TMEM131: variants seen among roughly 807,000 people sequenced by gnomAD.
TMEM131 encodes the protein transmembrane protein 131, also known as 2610524E03Rik.
TMEM131 carries 66 observed loss-of-function variants against 211.6 expected under a neutral mutation model. The observed-to-expected ratio is 0.31, with a 90% CI of 0.26 to 0.38. The LOEUF is 0.38. Among genes scored for constraint, TMEM131 ranks in the 10% least tolerant of loss-of-function variants. The pLI is 1.00. For missense variants in TMEM131, 2,036 were observed against 2,299.3 expected (o/e 0.89, Z 2.34); for synonymous variants, 844 against 841.3 (o/e 1.00, Z -0.06).
At chr2:97,759,807 G>C in intron 38 of TMEM131, 58 bp from the exon 39 acceptor site, 1 of 1,252,796 alleles carries the variant, frequency 8.0e-7, no homozygotes, top group Non-Finnish European at 1.1e-6. Context: ...TAGTGCAAAC[G>C]GATCCATAGT....
At chr2:97,801,445 A>G (rs980449383) in intron 25 of TMEM131, among the ~76,000 whole-genome samples, 20 of 152,248 alleles carry the variant, frequency 1.3e-4, no homozygotes, top group African/African-American at 4.8e-4. Flanking sequence ...TTGAGTGAAA[A>G]TCATGCATAT....
intron 1 of TMEM131, among the ~76,000 whole-genome samples, chr2:97,962,687 T>G (rs1374500820): frequency 6.6e-6 from 1 of 152,200 alleles, no homozygotes; most frequent in African/African-American, 2.4e-5. Flanking sequence ...TCCCAGGTAT[T>G]ACTTGCGAGA....
chr2:97,771,522 C>T (rs936413924), intron 33 of TMEM131, among the ~76,000 whole-genome samples: 4 of 152,316 alleles, frequency 2.6e-5, no homozygotes, highest in South Asian at 2.1e-4. Flanking sequence ...CTAATTTATT[C>T]GACTTCCTCT....
intron 1 of TMEM131, among the ~76,000 whole-genome samples, chr2:97,978,615 G>C (rs1679651784): frequency 1.3e-5 from 2 of 152,094 alleles, no homozygotes; most frequent in African/African-American, 2.4e-5. Flanking sequence ...GAACTCCTGG[G>C]CTCCATATTC....
intron 19 of TMEM131, 38 bp from the exon 20 acceptor site, chr2:97,805,741 T>C (rs746074778): frequency 6.5e-7 from 1 of 1,531,000 alleles, no homozygotes; most frequent in Non-Finnish European, 8.8e-7. Context: ...CATTTGTATA[T>C]GGTTAAATTT....
chr2:97,817,228 C>A (rs147607334), intron 12 of TMEM131, among the ~76,000 whole-genome samples: 1 of 144,680 alleles, frequency 6.9e-6, no homozygotes, highest in Admixed American at 6.8e-5. Flanking sequence ...CCTTGCAGAG[C>A]AGCTCTTCAC....
chr2:97,966,872 T>C (rs1281069049), intron 1 of TMEM131, among the ~76,000 whole-genome samples: 2 of 152,168 alleles, frequency 1.3e-5, no homozygotes, highest in African/African-American at 4.8e-5. Context: ...GCAGTCTGTT[T>C]ACTCTCTACA....
At position 97,805,656 on chromosome 2, in the gene TMEM131, C is replaced by T; in HGVS notation, c.2103G>A (p.Gln701=). The T allele has an allele frequency of 6.2e-7, 1 of 1,608,912 alleles. No homozygotes were observed. The highest frequency in any genetic ancestry group is 2.2e-5 in the East Asian group (1 of 44,728). The change falls in exon 20 of 41, where the codon CAG becomes CAA. Residue 701 remains glutamine, a synonymous_variant. Transcript: ENST00000186436. ...QSLNIMNSFS[Q]KVKIQQIRSL... is the part of the protein sequence containing the mutation. ...ATCGTATTTGCTGTATTTTTACCTT[C>T]TGTGAGAAGGAATTCATAATATTTA...
chr2:97,901,753 A>T (rs1675862046), intron 3 of TMEM131, among the ~76,000 whole-genome samples: 1 of 152,192 alleles, frequency 6.6e-6, no homozygotes, highest in South Asian at 2.1e-4. Flanking sequence ...GGTAAAGAGT[A>T]GAATGACAGT....
At chr2:97,986,226 C>G (rs1395251836) in intron 1 of TMEM131, among the ~76,000 whole-genome samples, 1 of 152,160 alleles carries the variant, frequency 6.6e-6, no homozygotes, top group African/African-American at 2.4e-5. Context: ...AAAAGAGTAA[C>G]AGCCAGTGTG....
chr2:97,760,336 T>C (rs1678759179), intron 38 of TMEM131: 2 of 524,208 alleles, frequency 3.8e-6, no homozygotes, highest in Admixed American at 3.2e-5. Flanking sequence ...TGAGAACAGG[T>C]GTAACGTGTG....
intron 11 of TMEM131, among the ~76,000 whole-genome samples, chr2:97,827,944 T>C (rs2105037231): frequency 6.6e-6 from 1 of 152,328 alleles, no homozygotes; most frequent in South Asian, 2.1e-4. Flanking sequence ...TATTACCATG[T>C]TGTTTTTTAG....
At chr2:97,877,252 A>C (rs1260204993) in intron 4 of TMEM131, among the ~76,000 whole-genome samples, 2 of 152,240 alleles carry the variant, frequency 1.3e-5, no homozygotes, top group Non-Finnish European at 2.9e-5. Flanking sequence ...GATAGGAAGA[A>C]TCAATATCAT....
chr2:97,886,285 C>T (rs1231646780), intron 4 of TMEM131, among the ~76,000 whole-genome samples: 1 of 152,094 alleles, frequency 6.6e-6, no homozygotes, highest in Non-Finnish European at 1.5e-5. Context: ...GGGTCTGTTA[C>T]TGAAGAATTA....
intron 39 of TMEM131, chr2:97,759,434 C>T (rs1400354246): frequency 5.4e-6 from 3 of 553,216 alleles, no homozygotes; most frequent in Admixed American, 3.1e-5. Flanking sequence ...CTCACACCAA[C>T]TGGTGTGCGC....
chr2:97,760,588 C>T lies in TMEM131; in HGVS notation c.5108+5G>A, dbSNP rs186818466. The T allele has an allele frequency of 1.0e-5, 16 of 1,607,068 alleles. 1 individual carries two copies. Among genetic ancestry groups the T allele is most frequent in the South Asian group, 7.8e-5 (7 of 89,790 alleles). The stretch of plus-strand genomic sequence containing the variant: ...TTTCTAGCGGTTAGTGGTGGTCTAC[C>T]GTACCTGTCTGAGCCATCGCTGTCA... On this transcript the variant is annotated splice_donor_5th_base_variant and intron_variant, in intron 38 of 40. Coordinates refer to ENST00000186436, the MANE Select transcript of TMEM131 (RefSeq NM_015348.2).
intron 5 of TMEM131, among the ~76,000 whole-genome samples, chr2:97,850,000 CAT>C (rs1315044021): frequency 1.3e-5 from 2 of 151,974 alleles, no homozygotes; most frequent in Non-Finnish European, 2.9e-5. Flanking sequence ...TCTACAGAAT[CAT>C]ATGACTGGTC....
intron 1 of TMEM131, among the ~76,000 whole-genome samples, chr2:97,945,442 GTATGA>G (rs1262587047): frequency 3.3e-5 from 5 of 152,126 alleles, no homozygotes; most frequent in Admixed American, 2.6e-4. Context: ...AAAAGGTGAA[GTATGA>G]TATGAGAAAT....
At position 97,981,028 on chromosome 2, in the gene TMEM131, C is replaced by CAAAAAAAAAAAAAA. The variant is rs57606185; in HGVS notation, c.187+14434_187+14447dup. On this transcript the variant is annotated intron_variant, in intron 1 of 40. Transcript: ENST00000186436. Reference sequence around the variant, plus strand: ...TGCTGAAACTCACAGAACTACACACCAAAAAAAAAAAAAAAAAAAAAAAAA... The same window carrying CAAAAAAAAAAAAAA: ...TGCTGAAACTCACAGAACTACACACCAAAAAAAAAAAAAAAAAAAAAAAAAAAAAAAAAAAAAAA... Among the ~76,000 whole-genome samples the CAAAAAAAAAAAAAA allele has an allele frequency of 1.7e-3, 63 of 37,974 alleles. 3 individuals are homozygous for CAAAAAAAAAAAAAA. Among genetic ancestry groups the CAAAAAAAAAAAAAA allele is most frequent in the Admixed American group, 2.2e-3 (5 of 2,280 alleles). 24.9% of individuals were successfully genotyped at this position (37,974 alleles called of 152,430 possible).
Sources: allele counts gnomAD v4.1 joint callset (sites outside exome capture counted in the v4.1 genomes callset), GRCh38; gene constraint gnomAD v4.1.1; transcripts MANE v1.5; gene names NCBI Gene and HGNC (gene_info 2026-07-23, HGNC 2026-07-21).